Variants in DMD observed in about 807,000 individuals in gnomAD.
DMD encodes mutant dystrophin.
A neutral mutation model predicts 330.1 loss-of-function variants in DMD; 63 were observed. The ratio of observed to expected loss-of-function variants is 0.19; its 90% CI spans 0.16 to 0.24. The LOEUF is 0.24. Among genes scored for constraint, DMD ranks in the 10% least tolerant of loss-of-function variants. DMD has a pLI of 1.00. For missense variants in DMD, 3,344 were observed against 2,684.1 expected (o/e 1.25, Z -5.43); for synonymous variants, 1,223 against 959.8 (o/e 1.27, Z -5.07).
At chrX:32,811,622 C>G (rs886958095) in intron 6 of DMD, among the ~76,000 whole-genome samples, 1 of 111,275 alleles carries the variant, frequency 9.0e-6, no homozygotes, top group Non-Finnish European at 1.9e-5. Flanking sequence ...ACTTACATAC[C>G]ATGTTACTTG....
At chrX:32,524,783 C>T (rs2046792568) in intron 17 of DMD, among the ~76,000 whole-genome samples, 1 of 112,251 alleles carries the variant, frequency 8.9e-6, no homozygotes, top group African/African-American at 3.2e-5. Context: ...TTTTGTCTGA[C>T]TTTATAAATT....
At chrX:32,649,118 GT>G (rs987360639) in intron 9 of DMD, among the ~76,000 whole-genome samples, 60 of 97,897 alleles carry the variant, frequency 6.1e-4, no homozygotes, top group Non-Finnish European at 7.3e-4. Flanking sequence ...TTCTGTTTTT[GT>G]TTTTTTTTTT....
intron 49 of DMD, among the ~76,000 whole-genome samples, chrX:31,822,111 A>C (rs2092774804): frequency 8.9e-6 from 1 of 112,409 alleles, no homozygotes; most frequent in African/African-American, 3.2e-5. Flanking sequence ...GCATTCACAG[A>C]CATGTAAGTA....
intron 1 of DMD, among the ~76,000 whole-genome samples, chrX:33,268,269 C>T (rs867851319): frequency 1.3e-4 from 14 of 111,180 alleles, no homozygotes; most frequent in Middle Eastern, 4.6e-3. Flanking sequence ...GGATTACAGG[C>T]ATGAGGCACT....
intron 50 of DMD, among the ~76,000 whole-genome samples, chrX:31,814,509 A>G (rs961915517): frequency 1.9e-5 from 2 of 106,008 alleles, no homozygotes; most frequent in Admixed American, 2.0e-4. Context: ...AAAAAAAAAA[A>G]AAAAAAGAAA....
At chrX:32,086,843 G>T (rs765017791) in intron 44 of DMD, among the ~76,000 whole-genome samples, 1 of 111,572 alleles carries the variant, frequency 9.0e-6, no homozygotes, top group South Asian at 3.8e-4. Context: ...CGAAGAAAAA[G>T]AAAAAGTACA....
chrX:32,778,970 T>A (rs1184312488), intron 7 of DMD, among the ~76,000 whole-genome samples: 1 of 111,620 alleles, frequency 9.0e-6, no homozygotes, highest in Non-Finnish European at 1.9e-5. Flanking sequence ...TATGCAGGTT[T>A]AAACAAAAAA....
intron 16 of DMD, among the ~76,000 whole-genome samples, chrX:32,554,929 GAA>G (rs2050106062): frequency 5.1e-5 from 1 of 19,699 alleles, no homozygotes; most frequent in East Asian, 5.0e-3. Context: ...AAGAAAGAAA[GAA>G]AGAAAGAAAG....
chrX:31,322,664 G>A (rs1176526241), intron 62 of DMD, among the ~76,000 whole-genome samples: 1 of 111,868 alleles, frequency 8.9e-6, no homozygotes, highest in African/African-American at 3.2e-5. Flanking sequence ...ATCTAGGACT[G>A]CTGTTATTGC....
chrX:32,735,205 C>T (rs1389039313), intron 7 of DMD, among the ~76,000 whole-genome samples: 1 of 108,515 alleles, frequency 9.2e-6, no homozygotes, highest in Non-Finnish European at 1.9e-5. Flanking sequence ...ATCCAACTTA[C>T]AAGGGATGTG....
chrX:32,889,679 GAGAATGTACT>G (rs2085001243), intron 2 of DMD, among the ~76,000 whole-genome samples: 1 of 110,668 alleles, frequency 9.0e-6, no homozygotes, highest in South Asian at 3.9e-4. Flanking sequence ...CCCCACCCTT[GAGAATGTACT>G]TTGTGAGATC....
chrX:31,382,391 T>C (rs149326962), intron 60 of DMD, among the ~76,000 whole-genome samples: 1,453 of 111,333 alleles, frequency 0.013, 34 homozygotes, highest in African/African-American at 0.046. Context: ...CATACTCCTA[T>C]TCACCAGTCT....
At chrX:33,008,594 G>C (rs1318183879) in intron 2 of DMD, among the ~76,000 whole-genome samples, 1 of 109,676 alleles carries the variant, frequency 9.1e-6, no homozygotes, top group Non-Finnish European at 1.9e-5. Flanking sequence ...TGAAAGGATT[G>C]CAGTGAAAGA....
chrX:31,405,253 G>A (rs1175270546), intron 60 of DMD, among the ~76,000 whole-genome samples: 1 of 112,075 alleles, frequency 8.9e-6, no homozygotes, highest in East Asian at 2.8e-4. Context: ...ATTCGTATCA[G>A]ATGGATACAG....
chrX:32,573,390 G>A (rs1601806880), intron 15 of DMD, 140 bp downstream of exon 15: 1 of 520,826 alleles, frequency 1.9e-6, no homozygotes. Flanking sequence ...CAGAAAAGTA[G>A]CAATATAACA....
chrX:32,125,739 C>T (rs2096658732), intron 44 of DMD, among the ~76,000 whole-genome samples: 1 of 111,765 alleles, frequency 8.9e-6, no homozygotes, highest in Non-Finnish European at 1.9e-5. Flanking sequence ...ATTACAAAGC[C>T]AATCTAACCA....
chrX:33,165,141 G>A (rs774048908), intron 1 of DMD, among the ~76,000 whole-genome samples: 5 of 110,583 alleles, frequency 4.5e-5, no homozygotes, highest in Non-Finnish European at 7.6e-5. Flanking sequence ...CTCTAATAAC[G>A]AATTTGAAAA....
chrX:32,460,559 C>T (rs1000350195), intron 25 of DMD, among the ~76,000 whole-genome samples: 4 of 111,010 alleles, frequency 3.6e-5, no homozygotes, highest in Non-Finnish European at 7.6e-5. Flanking sequence ...ATCACTGTGG[C>T]TTCCATATTC....
intron 43 of DMD, among the ~76,000 whole-genome samples, chrX:32,219,442 T>C (rs2097124819): frequency 8.9e-6 from 1 of 112,273 alleles, no homozygotes; most frequent in Non-Finnish European, 1.9e-5. Context: ...AGACTATATT[T>C]TCTTATATAA....
Sources: gnomAD v4.1 joint callset for allele counts (sites outside exome capture counted in the v4.1 genomes callset) on GRCh38, gnomAD v4.1.1 for gene constraint, MANE v1.5 for transcripts, NCBI Gene and HGNC (gene_info 2026-07-23, HGNC 2026-07-21) for gene names.